Variants in LMNTD1 observed in about 807,000 individuals in gnomAD.
LMNTD1 encodes the protein lamin tail domain containing 1.
Under a neutral mutation model 50.9 loss-of-function variants are expected in LMNTD1, and 35 were observed. The ratio of observed to expected loss-of-function variants is 0.69; its 90% CI spans 0.53 to 0.91. LMNTD1 has a LOEUF of 0.91. Among genes scored for constraint, LMNTD1 ranks in the 40% least tolerant of loss-of-function variants. The pLI, the probability that LMNTD1 is intolerant of heterozygous loss-of-function variation, is 0.00. For missense variants in LMNTD1, 470 were observed against 475.5 expected (o/e 0.99, Z 0.11); for synonymous variants, 153 against 161.9 (o/e 0.94, Z 0.42).
intron 1 of LMNTD1, among the ~76,000 whole-genome samples, chr12:25,644,247 A>G (rs1479393439): frequency 6.8e-6 from 1 of 147,270 alleles, no homozygotes; most frequent in Admixed American, 7.1e-5. Flanking sequence ...AGGTCAAGGC[A>G]GGAGGATCAC....
intron 1 of LMNTD1, among the ~76,000 whole-genome samples, chr12:25,644,671 T>C (rs1000672513): frequency 6.6e-6 from 1 of 152,190 alleles, no homozygotes; most frequent in Admixed American, 6.5e-5. Context: ...AACTTGCGTA[T>C]ATGTTGCCTG....
At chr12:25,600,757 C>T (rs1408883548) in intron 1 of LMNTD1, among the ~76,000 whole-genome samples, 1 of 152,054 alleles carries the variant, frequency 6.6e-6, no homozygotes, top group African/African-American at 2.4e-5. Flanking sequence ...GATACCATTT[C>T]ATCTCAGTTA....
At chr12:25,633,699 C>A (rs78783759) in intron 1 of LMNTD1, among the ~76,000 whole-genome samples, 1 of 152,004 alleles carries the variant, frequency 6.6e-6, no homozygotes, top group Non-Finnish European at 1.5e-5. Context: ...AAGTTCATAG[C>A]CCTAAACACC....
chr12:25,526,207 T>C lies in LMNTD1; in HGVS notation c.690A>G (p.Ala230=). 6.2e-7 allele frequency: 1 copy of C among 1,608,696 alleles called. No homozygotes were observed. The highest frequency in any genetic ancestry group is 8.5e-7 in the Non-Finnish European group (1 of 1,177,852). Reference sequence around the variant, plus strand: ...GAGGTTGATGCTTTGCTTCAGATGCTGCTGCCCACACCTGTAATAAAATTG... The same window carrying C: ...GAGGTTGATGCTTTGCTTCAGATGCCGCTGCCCACACCTGTAATAAAATTG... The part of the protein sequence containing the change: ...QANSTVTVWA[A]ASEAKHQPPS... Residue 230 remains alanine (A), a synonymous_variant, in exon 6 of 10, where the codon GCA becomes GCG. Transcript: ENST00000458174.
chr12:25,497,876 A>G (rs2135928931), intron 9 of LMNTD1: 1 of 152,228 alleles, frequency 6.6e-6, no homozygotes, highest in Middle Eastern at 3.4e-3. Flanking sequence ...CTTGGGTGTA[A>G]TAAACCAACA....
At chr12:25,509,083 C>T (rs1044535306) in intron 8 of LMNTD1, among the ~76,000 whole-genome samples, 1 of 152,060 alleles carries the variant, frequency 6.6e-6, no homozygotes, top group Non-Finnish European at 1.5e-5. Flanking sequence ...ATATGTTTAA[C>T]TGAATTATAA....
rs1485030345 is a variant in LMNTD1, at chr12:25,628,704, G to C, written c.58+19790C>G. ...CCATGCGACAATGAAGCAAACATTT[G>C]AGTTATGTGGCTACAAGCTAAGGTA... On this transcript the variant is annotated intron_variant, in intron 1 of 7. Coordinates refer to the LMNTD1 transcript ENST00000445693. Among the ~76,000 whole-genome samples, 3 of 152,172 alleles carry C rather than the reference G, an allele frequency of 2.0e-5. 1 individual carries two copies. Among genetic ancestry groups the C allele is most frequent in the East Asian group, 3.9e-4 (2 of 5,190 alleles).
At chr12:25,513,933 A>G (rs1260632981) in intron 8 of LMNTD1, among the ~76,000 whole-genome samples, 2 of 151,994 alleles carry the variant, frequency 1.3e-5, no homozygotes, top group African/African-American at 4.8e-5. Context: ...TGAACTGACA[A>G]TTGATTTCAT....
At chr12:25,531,229 G>T (rs1942204965) in intron 4 of LMNTD1, among the ~76,000 whole-genome samples, 1 of 152,206 alleles carries the variant, frequency 6.6e-6, no homozygotes, top group South Asian at 2.1e-4. Context: ...TAAGAAATCA[G>T]CTGAGACAAC....
At chr12:25,499,558 T>G (rs993993887) in intron 9 of LMNTD1, among the ~76,000 whole-genome samples, 21 of 152,170 alleles carry the variant, frequency 1.4e-4, no homozygotes, top group African/African-American at 4.8e-4. Context: ...CTTCTGGTTT[T>G]GAATATGGGG....
At chr12:25,536,169 C>T (rs1250849458) in intron 4 of LMNTD1, among the ~76,000 whole-genome samples, 2 of 152,052 alleles carry the variant, frequency 1.3e-5, no homozygotes, top group Non-Finnish European at 2.9e-5. Context: ...ATAATTGATA[C>T]AACAAGTAGA....
At chr12:25,646,484 A>G (rs1004689007) in intron 1 of LMNTD1, among the ~76,000 whole-genome samples, 10 of 152,084 alleles carry the variant, frequency 6.6e-5, no homozygotes, top group African/African-American at 2.4e-4. Context: ...ACCTAGCCCT[A>G]GGATCATTTT....
intron 8 of LMNTD1, among the ~76,000 whole-genome samples, chr12:25,518,140 G>C (rs1296785483): frequency 6.6e-6 from 1 of 152,142 alleles, no homozygotes; most frequent in Non-Finnish European, 1.5e-5. Context: ...TACTAAACAG[G>C]CTTTCTCCAA....
chr12:25,647,573 A>G (rs920043989), intron 1 of LMNTD1, among the ~76,000 whole-genome samples: 2 of 152,192 alleles, frequency 1.3e-5, no homozygotes, highest in Non-Finnish European at 2.9e-5. Flanking sequence ...GTTAAAATAT[A>G]AGTTTAAAAA....
intron 1 of LMNTD1, among the ~76,000 whole-genome samples, chr12:25,618,963 C>T (rs1471222566): frequency 2.0e-5 from 3 of 151,964 alleles, no homozygotes; most frequent in East Asian, 1.9e-4. Context: ...AACGATTTAC[C>T]GCAAAATAGG....
chr12:25,503,645 C>T (rs893626333), intron 9 of LMNTD1, 93 bp downstream of exon 9: 5 of 731,600 alleles, frequency 6.8e-6, no homozygotes, highest in African/African-American at 1.8e-5. Context: ...AAGGACAACC[C>T]ATGTTCTGAT....
At chr12:25,618,146 T>C (rs973718324) in intron 1 of LMNTD1, among the ~76,000 whole-genome samples, 1 of 152,190 alleles carries the variant, frequency 6.6e-6, no homozygotes, top group Admixed American at 6.5e-5. Context: ...CCTGTTTGTC[T>C]CTCTGTGGTT....
intron 1 of LMNTD1, among the ~76,000 whole-genome samples, chr12:25,567,875 T>TTTTTTTTTTTTTTTTTTGAGACGG (rs1944621878): frequency 6.6e-6 from 1 of 152,008 alleles, no homozygotes; most frequent in African/African-American, 2.4e-5. Flanking sequence ...AGTATTTCTT[T>TTTTTTTTTTTTTTTTTTGAGACGG]ATAGCAATGT....
chr12:25,554,633 G>T (rs376253424), upstream of LMNTD1, among the ~76,000 whole-genome samples: 177 of 152,294 alleles, frequency 1.2e-3, no homozygotes, highest in African/African-American at 4.2e-3. Flanking sequence ...AAAGATTCGG[G>T]TCGGGTATTA....
Sources: gnomAD v4.1 joint callset for allele counts (sites outside exome capture counted in the v4.1 genomes callset) on GRCh38, gnomAD v4.1.1 for gene constraint, MANE v1.5 for transcripts, NCBI Gene and HGNC (gene_info 2026-07-23, HGNC 2026-07-21) for gene names.